Variants in THSD4 observed in about 807,000 individuals in gnomAD.
The protein encoded by THSD4 is thrombospondin type-1 domain-containing protein 4.
Under a neutral mutation model 119.0 loss-of-function variants are expected in THSD4, and 69 were observed. The ratio of observed to expected loss-of-function variants is 0.58; its 90% CI spans 0.48 to 0.71. The LOEUF is 0.71. Among genes scored for constraint, THSD4 ranks in the 30% least tolerant of loss-of-function variants. The probability of loss-of-function intolerance (pLI) is 0.00; values close to 1 mark genes in which losing one functional copy is unlikely to be tolerated. For synonymous variants in THSD4, 524 were observed against 540.4 expected (o/e 0.97, Z 0.42); for missense variants, 1,393 against 1,391.1 (o/e 1.00, Z -0.02).
At chr15:71,385,616 C>A (rs1033464262) in intron 6 of THSD4, among the ~76,000 whole-genome samples, 4 of 152,172 alleles carry the variant, frequency 2.6e-5, no homozygotes, top group Admixed American at 6.5e-5. Flanking sequence ...GGTTTGAATA[C>A]GTGGCCACCT....
chr15:71,756,314 T>C (rs1567137946), intron 14 of THSD4, among the ~76,000 whole-genome samples: 1 of 152,146 alleles, frequency 6.6e-6, no homozygotes, highest in Non-Finnish European at 1.5e-5. Context: ...TGAGACCTAA[T>C]GATTGTCTAG....
intron 1 of THSD4, among the ~76,000 whole-genome samples, chr15:71,136,678 G>A (rs1036626232): frequency 4.0e-5 from 6 of 151,116 alleles, no homozygotes; most frequent in Non-Finnish European, 7.4e-5. Flanking sequence ...GGGAGGGAGG[G>A]AGGGAGGTGG....
intron 7 of THSD4, among the ~76,000 whole-genome samples, chr15:71,608,237 A>AAAAAAAT (rs537013275): frequency 2.0e-4 from 22 of 111,594 alleles, no homozygotes; most frequent in East Asian, 1.2e-3. Flanking sequence ...AAAAAAAAAA[A>AAAAAAAT]ATATATATAT....
At chr15:71,305,298 G>A (rs187923304) in intron 6 of THSD4, among the ~76,000 whole-genome samples, 17 of 152,288 alleles carry the variant, frequency 1.1e-4, no homozygotes, top group Admixed American at 3.9e-4. Context: ...GACCCCCTGC[G>A]ATCTACTCTG....
intron 15 of THSD4, 129 bp from the exon 16 acceptor site, chr15:71,764,891 C>T (rs1276359536): frequency 1.7e-6 from 2 of 1,192,706 alleles, no homozygotes; most frequent in Non-Finnish European, 2.3e-6. Flanking sequence ...TTTCCAAGTT[C>T]TCCTGGGTTC....
intron 6 of THSD4, among the ~76,000 whole-genome samples, chr15:71,328,171 CTTG>C (rs2045371414): frequency 6.6e-6 from 1 of 152,190 alleles, no homozygotes; most frequent in Admixed American, 6.5e-5. Context: ...TTTCGTGCTT[CTTG>C]TTTTTATTGT....
chr15:71,227,008 A>G (rs1158318535), intron 4 of THSD4, among the ~76,000 whole-genome samples: 1 of 152,200 alleles, frequency 6.6e-6, no homozygotes, highest in African/African-American at 2.4e-5. Flanking sequence ...TGCTAAGCAG[A>G]TAAACGGTGT....
chr15:71,285,067 T>C (rs923263708), intron 6 of THSD4, among the ~76,000 whole-genome samples: 6 of 152,194 alleles, frequency 3.9e-5, no homozygotes, highest in Non-Finnish European at 5.9e-5. Context: ...CTGTCCAGGC[T>C]GCTATTCTCA....
intron 6 of THSD4, among the ~76,000 whole-genome samples, chr15:71,324,204 A>G (rs2045311629): frequency 6.6e-6 from 1 of 151,096 alleles, no homozygotes. Flanking sequence ...TTTTTTTTTA[A>G]CCTCCCAACA....
At chr15:71,651,377 G>A (rs1021670604) in intron 7 of THSD4, among the ~76,000 whole-genome samples, 1 of 152,134 alleles carries the variant, frequency 6.6e-6, no homozygotes, top group Admixed American at 6.5e-5. Flanking sequence ...TCCATTGCCC[G>A]TGTTTGCCAG....
At chr15:71,279,541 C>A (rs1271327668) in intron 6 of THSD4, among the ~76,000 whole-genome samples, 1 of 152,198 alleles carries the variant, frequency 6.6e-6, no homozygotes, top group Non-Finnish European at 1.5e-5. Flanking sequence ...TGGTTATCAG[C>A]CTCCTTCTGC....
chr15:71,627,607 G>A (rs74022173), intron 7 of THSD4, among the ~76,000 whole-genome samples: 1,993 of 152,268 alleles, frequency 0.013, 52 homozygotes, highest in African/African-American at 0.046. Flanking sequence ...TATGAGGACC[G>A]CCTGTTGGAT....
intron 3 of THSD4, among the ~76,000 whole-genome samples, chr15:71,206,485 G>C (rs2043844865): frequency 6.6e-6 from 1 of 152,190 alleles, no homozygotes; most frequent in African/African-American, 2.4e-5. Context: ...GTTTGCTTTA[G>C]AGTGTTGACT....
chr15:71,135,991 GTTTTTTTTTTT>G lies in THSD4; in HGVS notation c.-79-5442_-79-5432del, dbSNP rs10540241. Among the ~76,000 whole-genome samples, 103 of 69,104 alleles carry G rather than the reference GTTTTTTTTTTT, an allele frequency of 1.5e-3. 2 individuals are homozygous for G. The highest frequency in any genetic ancestry group is 3.7e-3 in the African/African-American group (74 of 19,858). 45.3% of individuals were successfully genotyped at this position (69,104 alleles called of 152,430 possible). A position where few individuals can be genotyped will look rare whatever the true frequency, so the allele number is the denominator to read the frequency against. ...GTCCTTTGGTTTTTTGTTTAGTTTA[GTTTTTTTTTTT>G]TTTTTTTTTTTTTTTAAGACTCCAG... On this transcript the variant is annotated intron_variant, in intron 1 of 17. Coordinates refer to ENST00000261862, the MANE Select transcript of THSD4 (RefSeq NM_024817.3).
At chr15:71,526,289 C>T (rs375469506) in intron 7 of THSD4, among the ~76,000 whole-genome samples, 6 of 152,254 alleles carry the variant, frequency 3.9e-5, no homozygotes, top group African/African-American at 9.6e-5. Context: ...AACTTGCAGC[C>T]GGCTTCCAGA....
intron 11 of THSD4, among the ~76,000 whole-genome samples, chr15:71,741,853 A>G (rs1397251510): frequency 1.3e-5 from 2 of 152,144 alleles, no homozygotes; most frequent in East Asian, 1.9e-4. Flanking sequence ...AAACCTAGGG[A>G]TGTGTTGTTT....
intron 8 of THSD4, among the ~76,000 whole-genome samples, chr15:71,672,338 T>C (rs535163449): frequency 6.6e-6 from 1 of 152,376 alleles, no homozygotes; most frequent in East Asian, 1.9e-4. Flanking sequence ...CTTGATTTTG[T>C]ATCCTAAGAC....
At chr15:71,617,830 T>TTAC (rs1417685212) in intron 7 of THSD4, among the ~76,000 whole-genome samples, 10 of 152,222 alleles carry the variant, frequency 6.6e-5, no homozygotes, top group African/African-American at 2.4e-4. Flanking sequence ...TTGAGCTAAA[T>TTAC]TACTAACATT....
intron 7 of THSD4, among the ~76,000 whole-genome samples, chr15:71,592,776 T>C (rs2049831722): frequency 6.6e-6 from 1 of 152,016 alleles, no homozygotes; most frequent in Admixed American, 6.6e-5. Context: ...ATCGAGGTGT[T>C]ACAAGTCCTG....
Sources: allele counts gnomAD v4.1 joint callset (sites outside exome capture counted in the v4.1 genomes callset), GRCh38; gene constraint gnomAD v4.1.1; transcripts MANE v1.5; gene names NCBI Gene and HGNC (gene_info 2026-07-23, HGNC 2026-07-21).